COMMD7: variants seen among roughly 807,000 people sequenced by gnomAD.
COMMD7 encodes the protein COMM domain-containing protein 7.
A neutral mutation model predicts 34.8 loss-of-function variants in COMMD7; 28 were observed. That is an observed-to-expected ratio of 0.80 (90% confidence interval 0.60 to 1.10). The LOEUF (loss-of-function observed/expected upper bound fraction) is 1.10. COMMD7 is among the 50% of genes least tolerant of loss of function. The probability of loss-of-function intolerance (pLI) is 0.00; values close to 1 mark genes in which losing one functional copy is unlikely to be tolerated. For synonymous variants in COMMD7, 80 were observed against 86.4 expected (o/e 0.93, Z 0.41); for missense variants, 211 against 241.6 (o/e 0.87, Z 0.84).
In COMMD7 at chr20:32,743,372, G is replaced by C; in HGVS notation, c.20C>G (p.Thr7Ser). 1 of 1,475,166 alleles carries C rather than the reference G, an allele frequency of 6.8e-7. No individual in the cohort carries two copies. Among genetic ancestry groups the C allele is most frequent in the Non-Finnish European group, 8.9e-7 (1 of 1,120,910 alleles). The allele number at this position is 1,475,166 out of a possible 1,614,324, so 91.4% of individuals were successfully genotyped here. Residue 7 changes from threonine (T) to serine (S), a missense_variant, in exon 1 of 9, where the codon ACT becomes AGT. Thr to Ser is a moderately conservative substitution (Grantham distance 58). Transcript: ENST00000278980. Reference sequence around the variant, plus strand: ...CACGGCCTCCGGCACCGGGTCCTCAGTGCAGTGCAGGCGGCCCATGGCGCG... The same window carrying C: ...CACGGCCTCCGGCACCGGGTCCTCACTGCAGTGCAGGCGGCCCATGGCGCG... MGRLHC[T>S]EDPVPEAVGG... is the part of the protein sequence containing the mutation.
chr20:32,741,640 T>C (rs1377516692), intron 1 of COMMD7, among the ~76,000 whole-genome samples: 3 of 152,084 alleles, frequency 2.0e-5, no homozygotes, highest in Non-Finnish European at 4.4e-5. Context: ...CCGCCCACCT[T>C]GGCCTCCCAA....
chr20:32,703,250 C>T lies in COMMD7; in HGVS notation c.*132G>A, dbSNP rs895770277. 4.1e-6 allele frequency: 3 copies of T among 738,720 alleles called. No individual in the cohort carries two copies. The highest frequency in any genetic ancestry group is 4.5e-6 in the Non-Finnish European group (2 of 445,648). The allele number at this position is 738,720 out of a possible 1,614,324, so 45.8% of individuals were successfully genotyped here. A position where few individuals can be genotyped will look rare whatever the true frequency, so the allele number is the denominator to read the frequency against. ...TGCTGTTTTTCAGAAACCCTTTGCA[C>T]CTGGGCCCCATGGAGCCAGCAGGGC... On this transcript the variant is annotated 3_prime_UTR_variant, in exon 9 of 9. Transcript: ENST00000278980.
rs1387669938 is a variant in COMMD7, at chr20:32,737,379, A to AAAAAAAAAAAAAAAAAAAAAAAAG, written c.84+5928_84+5929insCTTTTTTTTTTTTTTTTTTTTTTT. The stretch of plus-strand genomic sequence containing the variant: ...AGCAAGACTCCGTCTCAAAAAAAAA[A>AAAAAAAAAAAAAAAAAAAAAAAAG]GATAAGCCAGGCACGGTGGTACATG... On this transcript the variant is annotated intron_variant, in intron 1 of 8. Coordinates refer to ENST00000278980, the MANE Select transcript of COMMD7 (RefSeq NM_053041.3). Among the ~76,000 whole-genome samples, 6 of 101,622 alleles carry AAAAAAAAAAAAAAAAAAAAAAAAG rather than the reference A, an allele frequency of 5.9e-5. 1 individual carries two copies. Among genetic ancestry groups the AAAAAAAAAAAAAAAAAAAAAAAAG allele is most frequent in the Non-Finnish European group, 8.0e-5 (4 of 49,850 alleles). 66.7% of individuals were successfully genotyped at this position (101,622 alleles called of 152,430 possible). A position where few individuals can be genotyped will look rare whatever the true frequency, so the allele number is the denominator to read the frequency against.
At chr20:32,731,197 A>C (rs939413935) in intron 1 of COMMD7, among the ~76,000 whole-genome samples, 2 of 152,170 alleles carry the variant, frequency 1.3e-5, no homozygotes, top group African/African-American at 4.8e-5. Context: ...ATGCTCCTGT[A>C]GTCCTAGCTA....
intron 1 of COMMD7, among the ~76,000 whole-genome samples, chr20:32,733,371 A>G (rs1985951909): frequency 6.6e-6 from 1 of 152,036 alleles, no homozygotes; most frequent in Non-Finnish European, 1.5e-5. Context: ...ACCAGAGGTT[A>G]GGAGTTTGAG....
chr20:32,741,657 A>G (rs73112104), intron 1 of COMMD7, among the ~76,000 whole-genome samples: 3,247 of 152,100 alleles, frequency 0.021, 45 homozygotes, highest in Non-Finnish European at 0.03. Flanking sequence ...CCAAAGTCCT[A>G]GGGTAGGTGT....
At chr20:32,703,490 G>C (rs759480070) in intron 8 of COMMD7, 32 bp from the exon 9 acceptor site, 1 of 1,603,114 alleles carries the variant, frequency 6.2e-7, no homozygotes, top group Admixed American at 1.8e-5. Flanking sequence ...TCAGATAAAT[G>C]TTTCCAACTC....
chr20:32,738,739 A>G (rs1459584567), intron 1 of COMMD7, among the ~76,000 whole-genome samples: 1 of 151,680 alleles, frequency 6.6e-6, no homozygotes, highest in Non-Finnish European at 1.5e-5. Context: ...GATTTTATTT[A>G]CTTATTTATT....
chr20:32,712,765 T>C (rs1468546409), intron 3 of COMMD7, among the ~76,000 whole-genome samples: 2 of 146,734 alleles, frequency 1.4e-5, no homozygotes, highest in African/African-American at 5.0e-5. Flanking sequence ...TTTTTTTTTT[T>C]TTTCGAGACA....
At chr20:32,741,165 A>G (rs1986422240) in intron 1 of COMMD7, among the ~76,000 whole-genome samples, 1 of 152,048 alleles carries the variant, frequency 6.6e-6, no homozygotes, top group Non-Finnish European at 1.5e-5. Flanking sequence ...AAACAAAAAA[A>G]AACTGACAGT....
chr20:32,719,094 C>T (rs1431064749), intron 3 of COMMD7, among the ~76,000 whole-genome samples: 6 of 152,166 alleles, frequency 3.9e-5, no homozygotes, highest in Admixed American at 6.6e-5. Flanking sequence ...GAGGCTCTTA[C>T]GTTGCAGATT....
chr20:32,704,102 A>C, intron 7 of COMMD7, 31 bp from the exon 8 acceptor site: 1 of 1,522,054 alleles, frequency 6.6e-7, no homozygotes, highest in Non-Finnish European at 9.0e-7. Context: ...AATTTAAATT[A>C]AAATGATGAC....
At chr20:32,743,133 C>A (rs923179079) in intron 1 of COMMD7, among the ~76,000 whole-genome samples, 175 bp downstream of exon 1, 1 of 152,090 alleles carries the variant, frequency 6.6e-6, no homozygotes, top group Non-Finnish European at 1.5e-5. Context: ...TCTCCTCAGA[C>A]CCCAGCTCAC....
Position 32,714,094 on chromosome 20 carries a change from T to C in COMMD7, c.242-7334A>G, listed in dbSNP as rs532490555. ...TGCCACTGCACTCCAGCCTGGGCAA[T>C]AGAGTGTGACTCTGTCTTAAAAACA... On this transcript the variant is annotated intron_variant, in intron 3 of 8. Coordinates refer to ENST00000278980, the MANE Select transcript of COMMD7 (RefSeq NM_053041.3). Among the ~76,000 whole-genome samples, 5 of 151,740 alleles carry C rather than the reference T, an allele frequency of 3.3e-5. No homozygotes were observed. The South Asian group carries it at 8.3e-4, about 25-fold the overall frequency.
At chr20:32,709,762 C>A (rs1984317037) in intron 3 of COMMD7, among the ~76,000 whole-genome samples, 1 of 152,170 alleles carries the variant, frequency 6.6e-6, no homozygotes, top group Admixed American at 6.6e-5. Context: ...GCTTTCTACC[C>A]CTGGCCATTT....
chr20:32,713,282 T>C (rs1275759195), intron 3 of COMMD7, among the ~76,000 whole-genome samples: 1 of 151,866 alleles, frequency 6.6e-6, no homozygotes, highest in Non-Finnish European at 1.5e-5. Flanking sequence ...ACTCCTGACC[T>C]CAGGTGATCC....
intron 1 of COMMD7, among the ~76,000 whole-genome samples, chr20:32,730,515 A>G (rs996961971): frequency 7.2e-5 from 11 of 152,070 alleles, no homozygotes; most frequent in Non-Finnish European, 2.9e-5. Flanking sequence ...AGATCATGCC[A>G]CTGCACTCCA....
At chr20:32,723,045 A>AAAT (rs769702109) in intron 3 of COMMD7, among the ~76,000 whole-genome samples, 33,392 of 40,846 alleles carry the variant, frequency 0.82, 14,078 homozygotes, top group Admixed American at 0.91. Flanking sequence ...ATAAATAAAT[A>AAAT]AATAATAATA....
At position 32,730,558 on chromosome 20, in the gene COMMD7, AAAC is replaced by A. The variant is rs34678832; in HGVS notation, c.85-2419_85-2417del. On this transcript the variant is annotated intron_variant, in intron 1 of 8. Transcript: ENST00000278980. ...TGACAGAGCGAGACTCCGTTTCAAA[AAAC>A]AACAACAACAACAACAACAACAAAA... Among the ~76,000 whole-genome samples, 263 of 149,698 alleles carry A rather than the reference AAAC, an allele frequency of 1.8e-3. 1 individual carries two copies. The highest frequency in any genetic ancestry group is 3.0e-3 in the Non-Finnish European group (199 of 67,386).
Sources: allele counts gnomAD v4.1 joint callset (sites outside exome capture counted in the v4.1 genomes callset), GRCh38; gene constraint gnomAD v4.1.1; transcripts MANE v1.5; gene names NCBI Gene and HGNC (gene_info 2026-07-23, HGNC 2026-07-21).